UBASH3B: variants seen among roughly 807,000 people sequenced by gnomAD.
The protein encoded by UBASH3B is ubiquitin-associated and SH3 domain-containing protein B.
Under a neutral mutation model 83.4 loss-of-function variants are expected in UBASH3B, and 37 were observed. The ratio of observed to expected loss-of-function variants is 0.44; its 90% CI spans 0.34 to 0.58. UBASH3B has a LOEUF of 0.58. Among genes scored for constraint, UBASH3B ranks in the 20% least tolerant of loss-of-function variants. UBASH3B has a pLI of 0.01. For missense variants in UBASH3B, 657 were observed against 827.2 expected, an observed-to-expected ratio of 0.79 and a Z score of 2.52; for synonymous variants, 304 against 318.3, an observed-to-expected ratio of 0.96 and a Z score of 0.48.
At chr11:122,790,977 G>C (rs4936745) in intron 6 of UBASH3B, among the ~76,000 whole-genome samples, 29,993 of 151,356 alleles carry the variant, frequency 0.2, 3,550 homozygotes, top group East Asian at 0.41. Flanking sequence ...GGAGGTATAT[G>C]AGAAGCAGTG....
chr11:122,684,484 T>G (rs1436587726), intron 1 of UBASH3B, among the ~76,000 whole-genome samples: 1 of 152,158 alleles, frequency 6.6e-6, no homozygotes, highest in Non-Finnish European at 1.5e-5. Context: ...CAGGTGAGGC[T>G]TCCTGGAAGG....
chr11:122,796,499 T>C (rs1241839348), intron 8 of UBASH3B, among the ~76,000 whole-genome samples: 2 of 152,178 alleles, frequency 1.3e-5, no homozygotes, highest in Non-Finnish European at 2.9e-5. Flanking sequence ...AGAAGACAGA[T>C]GTCTTGCCCC....
At chr11:122,781,898 A>G (rs1323580794) in intron 4 of UBASH3B, among the ~76,000 whole-genome samples, 1 of 152,230 alleles carries the variant, frequency 6.6e-6, no homozygotes, top group Admixed American at 6.5e-5. Flanking sequence ...ACACCAAAGA[A>G]AGGCAATGCA....
intron 1 of UBASH3B, among the ~76,000 whole-genome samples, chr11:122,683,136 C>G (rs1409285835): frequency 6.6e-6 from 1 of 151,482 alleles, no homozygotes; most frequent in African/African-American, 2.4e-5. Flanking sequence ...GTAGTCACAG[C>G]TACTTGGGAG....
chr11:122,672,721 G>T (rs78209244), intron 1 of UBASH3B, among the ~76,000 whole-genome samples: 6 of 152,164 alleles, frequency 3.9e-5, no homozygotes, highest in African/African-American at 1.4e-4. Context: ...ATTGGCCCAC[G>T]TACAGATGCT....
At position 122,722,721 on chromosome 11, in the gene UBASH3B, T is replaced by A. The variant is rs534518960; in HGVS notation, c.162-53498T>A. On this transcript the variant is annotated intron_variant, in intron 1 of 13. Coordinates refer to ENST00000284273, the MANE Select transcript of UBASH3B (RefSeq NM_032873.5). Reference sequence around the variant, plus strand: ...CAGATCTGGTATTTCTTTTTTTTTTTTTGAGATGGAGTCTCGCTCTGTCCC... The same window carrying A: ...CAGATCTGGTATTTCTTTTTTTTTTATTGAGATGGAGTCTCGCTCTGTCCC... Among the ~76,000 whole-genome samples, 4 of 152,086 alleles carry A rather than the reference T, an allele frequency of 2.6e-5. No individual in the cohort carries two copies. The East Asian group carries it at 7.7e-4, about 29-fold the overall frequency.
intron 1 of UBASH3B, among the ~76,000 whole-genome samples, chr11:122,754,813 C>T (rs771692993): frequency 8.5e-5 from 13 of 152,162 alleles, no homozygotes; most frequent in Admixed American, 3.3e-4. Flanking sequence ...TTGAGATCCA[C>T]GTAAGCCCCT....
At position 122,806,525 on chromosome 11, in the gene UBASH3B, T is replaced by C; in HGVS notation, c.1702+9T>C. On this transcript the variant is annotated intron_variant, in intron 12 of 13. Coordinates refer to ENST00000284273, the MANE Select transcript of UBASH3B (RefSeq NM_032873.5). This position sits in a 1 kb window ranked among gnomAD's most constrained non-coding sequence, Gnocchi z 4.0. ...TGAATGTAAAAGTAAAGGTAAGTGGTATTATTCTGAACTCCATCTGTACAT... is the reference window on the plus strand; with the variant it reads ...TGAATGTAAAAGTAAAGGTAAGTGGCATTATTCTGAACTCCATCTGTACAT... 6.3e-7 allele frequency: 1 copy of C among 1,596,028 alleles called. No homozygotes were observed. The highest frequency in any genetic ancestry group is 8.5e-7 in the Non-Finnish European group (1 of 1,173,856).
intron 1 of UBASH3B, among the ~76,000 whole-genome samples, chr11:122,754,130 T>C (rs562412194): frequency 3.3e-5 from 5 of 152,332 alleles, no homozygotes; most frequent in African/African-American, 1.2e-4. Context: ...TCTAATGGAA[T>C]GGTTTTACAG....
chr11:122,705,283 T>C lies in UBASH3B; in HGVS notation c.161+49073T>C, dbSNP rs139578133. 2.2e-3 allele frequency among the ~76,000 whole-genome samples: 334 copies of C among 151,838 alleles called. 1 individual carries two copies. The highest frequency in any genetic ancestry group is 4.1e-3 in the Non-Finnish European group (280 of 67,928). ...CCAACATGGTGAAAACCATCTCTAC[T>C]AAAAATACAAAAATTAGCCGGGTGT... On this transcript the variant is annotated intron_variant, in intron 1 of 13. Transcript: ENST00000284273.
chr11:122,708,690 GA>G lies in UBASH3B; in HGVS notation c.161+52481del, dbSNP rs1020471602. Reference sequence around the variant, plus strand: ...ACCATTCACTTGCATCCCTCAAAAAGATCCACGCAGGTTTTGGAGTCAGGCA... The same window carrying G: ...ACCATTCACTTGCATCCCTCAAAAAGTCCACGCAGGTTTTGGAGTCAGGCA... On this transcript the variant is annotated intron_variant, in intron 1 of 13. Transcript: ENST00000284273. Among the ~76,000 whole-genome samples, 13 of 152,250 alleles carry G rather than the reference GA, an allele frequency of 8.5e-5. No homozygotes were observed. The South Asian group carries it at 2.7e-3, about 32-fold the overall frequency.
At chr11:122,727,897 T>C (rs1335230729) in intron 1 of UBASH3B, among the ~76,000 whole-genome samples, 2 of 152,172 alleles carry the variant, frequency 1.3e-5, no homozygotes, top group Admixed American at 6.5e-5. Context: ...CTGGGCCAGA[T>C]GGCAGCAGTG....
intron 4 of UBASH3B, among the ~76,000 whole-genome samples, chr11:122,781,215 G>A (rs976223050): frequency 2.2e-5 from 3 of 138,504 alleles, no homozygotes; most frequent in South Asian, 4.5e-4. Context: ...ACTAGTCTCC[G>A]GGTCCTGACT....
At chr11:122,702,253 AC>A (rs1159797126) in intron 1 of UBASH3B, among the ~76,000 whole-genome samples, 3 of 152,218 alleles carry the variant, frequency 2.0e-5, no homozygotes, top group African/African-American at 7.2e-5. Flanking sequence ...CAACATAGTT[AC>A]GTGCAAGGAA....
intron 1 of UBASH3B, among the ~76,000 whole-genome samples, chr11:122,744,500 C>T (rs1469512972): frequency 6.6e-6 from 1 of 151,792 alleles, no homozygotes; most frequent in Non-Finnish European, 1.5e-5. Flanking sequence ...GTTGCATGAG[C>T]ATGTGTGCCT....
In UBASH3B at chr11:122,805,340, G is replaced by C. The variant is rs547842433; in HGVS notation, c.1596-1070G>C. Among the ~76,000 whole-genome samples the C allele has an allele frequency of 1.4e-4, 22 of 152,268 alleles. No homozygotes were observed. In the East Asian group the frequency reaches 4.2e-3, roughly 29 times the overall value. Reference sequence around the variant, plus strand: ...AGGTCAGGAGTTCAAGACCAGCCTGGCCAACATGGTGAAACCCTGTCTCTA... The same window carrying C: ...AGGTCAGGAGTTCAAGACCAGCCTGCCCAACATGGTGAAACCCTGTCTCTA... On this transcript the variant is annotated intron_variant, in intron 11 of 13. Transcript: ENST00000284273.
chr11:122,688,834 C>T (rs1591769854), intron 1 of UBASH3B, among the ~76,000 whole-genome samples: 2 of 151,936 alleles, frequency 1.3e-5, no homozygotes, highest in African/African-American at 4.8e-5. Context: ...TTAGTAGAGA[C>T]GGGGTTTCAC....
intron 1 of UBASH3B, among the ~76,000 whole-genome samples, chr11:122,762,648 G>A (rs184027433): frequency 1.3e-5 from 2 of 152,296 alleles, no homozygotes; most frequent in East Asian, 3.9e-4. Context: ...GCGCTCTTCA[G>A]TAGACTCCTG....
chr11:122,690,182 A>ATATATATATATATATATATATCCAAT (rs1863866968), intron 1 of UBASH3B, among the ~76,000 whole-genome samples: 1 of 29,778 alleles, frequency 3.4e-5, no homozygotes, highest in Non-Finnish European at 7.2e-5. Flanking sequence ...ATATATATAT[A>ATATATATATATATATATATATCCAAT]TATATATATA....
Sources: allele counts gnomAD v4.1 joint callset (sites outside exome capture counted in the v4.1 genomes callset), GRCh38; gene constraint gnomAD v4.1.1; non-coding constraint Gnocchi (gnomAD v3.1); transcripts MANE v1.5; gene names NCBI Gene and HGNC (gene_info 2026-07-23, HGNC 2026-07-21).